Variants in FBXL17 observed in about 807,000 individuals in gnomAD.
FBXL17 encodes F-box/LRR-repeat protein 17.
FBXL17 carries 22 observed loss-of-function variants against 66.2 expected under a neutral mutation model. The ratio of observed to expected loss-of-function variants is 0.33; its 90% CI spans 0.24 to 0.47. FBXL17 has a LOEUF of 0.47. Ranked by LOEUF, FBXL17 falls within the 20% of genes least tolerant of loss-of-function variation. The probability of loss-of-function intolerance (pLI) is 1.00; values close to 1 mark genes in which losing one functional copy is unlikely to be tolerated. For missense variants in FBXL17, 878 were observed against 948.2 expected (o/e 0.93, Z 0.97); for synonymous variants, 474 against 400.5 (o/e 1.18, Z -2.19).
intron 4 of FBXL17, among the ~76,000 whole-genome samples, chr5:108,271,615 G>A (rs1244921490): frequency 6.6e-6 from 1 of 152,208 alleles, no homozygotes; most frequent in Non-Finnish European, 1.5e-5. Flanking sequence ...ATGTTTATGA[G>A]TTGGGAAATA....
chr5:108,330,821 C>T (rs1047726741), intron 4 of FBXL17, among the ~76,000 whole-genome samples: 2 of 152,088 alleles, frequency 1.3e-5, no homozygotes, highest in Admixed American at 1.3e-4. Context: ...ACTTAGATGA[C>T]AATCTCCTAA....
At chr5:107,915,099 T>C (rs1340077117) in intron 7 of FBXL17, among the ~76,000 whole-genome samples, 1 of 152,172 alleles carries the variant, frequency 6.6e-6, no homozygotes, top group Non-Finnish European at 1.5e-5. Context: ...TTACTATAAT[T>C]GCAATTTTAA....
chr5:107,879,505 G>A (rs1202300224), intron 8 of FBXL17: 1 of 985,306 alleles, frequency 1.0e-6, no homozygotes, highest in Non-Finnish European at 1.2e-6. Context: ...TTCTGGGCTG[G>A]GCTGAGAATA....
intron 6 of FBXL17, among the ~76,000 whole-genome samples, chr5:108,151,584 T>C (rs1751774073): frequency 6.6e-6 from 1 of 152,318 alleles, no homozygotes; most frequent in Non-Finnish European, 1.5e-5. Context: ...CAGCCATCTG[T>C]AGACACCCAA....
At chr5:108,342,155 T>C (rs1278572142) in intron 4 of FBXL17, among the ~76,000 whole-genome samples, 2 of 152,044 alleles carry the variant, frequency 1.3e-5, no homozygotes, top group Non-Finnish European at 2.9e-5. Flanking sequence ...GAGTACAGAG[T>C]TATCAGTTCA....
intron 4 of FBXL17, among the ~76,000 whole-genome samples, chr5:108,302,852 G>T (rs1360239672): frequency 6.6e-6 from 1 of 151,314 alleles, no homozygotes; most frequent in Non-Finnish European, 1.5e-5. Flanking sequence ...ATCATTTTTT[G>T]TTTATAAAAA....
intron 6 of FBXL17, among the ~76,000 whole-genome samples, chr5:108,086,767 G>T (rs1260486773): frequency 6.6e-6 from 1 of 152,044 alleles, no homozygotes; most frequent in East Asian, 1.9e-4. Flanking sequence ...CACCATGTTT[G>T]CCAGGCTGGT....
rs922326076 is a variant in FBXL17, at chr5:107,860,530, G to A, written c.*1190C>T. ...AGCTGGCAATCCTTAATTAAACAAA[G>A]AAATGCTTATTTCTGACAAGTGTAA... On this transcript the variant is annotated 3_prime_UTR_variant, in exon 9 of 9. Coordinates refer to ENST00000542267, the MANE Select transcript of FBXL17 (RefSeq NM_001163315.3). 1 of 152,584 alleles carries A rather than the reference G, an allele frequency of 6.6e-6. No homozygotes were observed. Among genetic ancestry groups the A allele is most frequent in the Non-Finnish European group, 1.5e-5 (1 of 68,008 alleles). 9.5% of individuals were successfully genotyped at this position (152,584 alleles called of 1,614,324 possible).
chr5:108,048,419 C>T (rs1400053375), intron 6 of FBXL17, among the ~76,000 whole-genome samples: 1 of 152,130 alleles, frequency 6.6e-6, no homozygotes, highest in Non-Finnish European at 1.5e-5. Context: ...ACTGCAATGC[C>T]TCTCCAGCAA....
In FBXL17 at chr5:108,246,865, G is replaced by C. The variant is rs561391213; in HGVS notation, c.1507-22637C>G. Reference sequence around the variant, plus strand: ...AAATCATCAAGAAAAGCATATATTTGCTCAATGATGTATTTGGATTAGTTT... The same window carrying C: ...AAATCATCAAGAAAAGCATATATTTCCTCAATGATGTATTTGGATTAGTTT... On this transcript the variant is annotated intron_variant, in intron 4 of 8. Coordinates refer to ENST00000542267, the MANE Select transcript of FBXL17 (RefSeq NM_001163315.3). Among the ~76,000 whole-genome samples, 37 of 152,252 alleles carry C rather than the reference G, an allele frequency of 2.4e-4. 1 individual carries two copies. Among genetic ancestry groups the C allele is most frequent in the African/African-American group, 8.9e-4 (37 of 41,556 alleles).
intron 4 of FBXL17, among the ~76,000 whole-genome samples, chr5:108,294,812 A>G (rs955828188): frequency 6.6e-6 from 1 of 152,118 alleles, no homozygotes; most frequent in Non-Finnish European, 1.5e-5. Context: ...GTCATAAGCA[A>G]GTCTATTTCT....
intron 7 of FBXL17, among the ~76,000 whole-genome samples, chr5:108,006,605 G>T (rs1412862673): frequency 6.6e-6 from 1 of 152,154 alleles, no homozygotes; most frequent in African/African-American, 2.4e-5. Context: ...GCCAGTGCAG[G>T]GATATGATGC....
At chr5:108,373,548 A>T (rs1334910570) in intron 1 of FBXL17, among the ~76,000 whole-genome samples, 1 of 151,924 alleles carries the variant, frequency 6.6e-6, no homozygotes, top group African/African-American at 2.4e-5. Flanking sequence ...GAAAACAAAT[A>T]ATAAAATAGT....
At chr5:108,330,013 T>C (rs775193614) in intron 4 of FBXL17, among the ~76,000 whole-genome samples, 2 of 152,168 alleles carry the variant, frequency 1.3e-5, no homozygotes, top group Non-Finnish European at 2.9e-5. Context: ...TACTGCTTCA[T>C]ATGTGGTTAG....
At chr5:108,068,233 T>A (rs1311565846) in intron 6 of FBXL17, among the ~76,000 whole-genome samples, 2 of 152,192 alleles carry the variant, frequency 1.3e-5, no homozygotes, top group African/African-American at 4.8e-5. Context: ...GGATCTAAGA[T>A]GTTTCATAAA....
intron 6 of FBXL17, among the ~76,000 whole-genome samples, chr5:108,113,298 C>A (rs575497453): frequency 6.6e-6 from 1 of 152,078 alleles, no homozygotes; most frequent in African/African-American, 2.4e-5. Flanking sequence ...ATGTAATCTG[C>A]AACTTTAAAA....
At chr5:108,374,912 T>C (rs538590729) in intron 1 of FBXL17, among the ~76,000 whole-genome samples, 65 of 152,176 alleles carry the variant, frequency 4.3e-4, no homozygotes, top group African/African-American at 1.5e-3. Context: ...AGATCTTGAA[T>C]TGGCAACCTA....
At chr5:108,034,420 G>C (rs1746761211) in intron 6 of FBXL17, among the ~76,000 whole-genome samples, 1 of 152,164 alleles carries the variant, frequency 6.6e-6, no homozygotes, top group Admixed American at 6.5e-5. Flanking sequence ...TTAAAATTGT[G>C]TTGCCAGAAA....
chr5:108,243,120 T>G (rs1181212141), intron 4 of FBXL17, among the ~76,000 whole-genome samples: 1 of 152,182 alleles, frequency 6.6e-6, no homozygotes, highest in African/African-American at 2.4e-5. Context: ...AAAGTCAGAT[T>G]GGCTGATAAA....
Sources: gnomAD v4.1 joint callset for allele counts (sites outside exome capture counted in the v4.1 genomes callset) on GRCh38, gnomAD v4.1.1 for gene constraint, MANE v1.5 for transcripts, NCBI Gene and HGNC (gene_info 2026-07-23, HGNC 2026-07-21) for gene names.